Variants in SIMC1 observed in about 807,000 individuals in gnomAD.
SIMC1 encodes the protein SUMO-interacting motif-containing protein 1.
A neutral mutation model predicts 82.3 loss-of-function variants in SIMC1; 55 were observed. The ratio of observed to expected loss-of-function variants is 0.67; its 90% CI spans 0.54 to 0.84. The LOEUF (loss-of-function observed/expected upper bound fraction) is 0.84, where lower values mean the gene tolerates loss of function less well. SIMC1 is among the 40% of genes least tolerant of loss of function. The pLI is 0.00. For missense variants in SIMC1, 915 were observed against 1,107.2 expected (o/e 0.83, Z 2.46); for synonymous variants, 353 against 426.3 (o/e 0.83, Z 2.12).
Position 176,290,829 on chromosome 5 carries a change from A to G in SIMC1, c.1305A>G (p.Val435=). 5.6e-6 allele frequency: 9 copies of G among 1,613,810 alleles called. No homozygotes were observed. The highest frequency in any genetic ancestry group is 7.6e-6 in the Non-Finnish European group (9 of 1,179,744). ...SEPAKPGSAH[V]QSRTPQGGLY... is the part of the protein sequence containing the mutation. ...CTGCCAAACCTGGGTCTGCCCACGT[A>G]CAATCACGAACACCACAAGGTGGGT... The change falls in exon 2 of 10, where the codon GTA becomes GTG. Residue 435 remains valine (V), a synonymous_variant. Transcript: ENST00000429602.
chr5:176,298,935 G>A (rs544074311), intron 4 of SIMC1, among the ~76,000 whole-genome samples: 1 of 152,322 alleles, frequency 6.6e-6, no homozygotes, highest in Admixed American at 6.5e-5. Flanking sequence ...AGACGTATAG[G>A]AAATAATTAA....
intron 7 of SIMC1, 22 bp downstream of exon 7, chr5:176,324,779 G>A: frequency 1.3e-6 from 2 of 1,536,080 alleles, no homozygotes; most frequent in African/African-American, 2.8e-5. Context: ...TTTTGTTGGG[G>A]AGAGCAGTTA....
At chr5:176,321,337 T>A (rs1765149015) in intron 5 of SIMC1, among the ~76,000 whole-genome samples, 1 of 151,888 alleles carries the variant, frequency 6.6e-6, no homozygotes. Context: ...TCATTTGCCT[T>A]CCACCTTTCA....
At chr5:176,274,542 G>C (rs1273971581) in intron 1 of SIMC1, among the ~76,000 whole-genome samples, 1 of 151,788 alleles carries the variant, frequency 6.6e-6, no homozygotes, top group South Asian at 2.1e-4. Flanking sequence ...GGCTTTTGTT[G>C]CCATTGCTTT....
intron 4 of SIMC1, among the ~76,000 whole-genome samples, chr5:176,306,719 C>T (rs1385842880): frequency 1.3e-5 from 2 of 151,404 alleles, no homozygotes; most frequent in African/African-American, 4.9e-5. Flanking sequence ...AGGCAGCATG[C>T]TCGTTAAGAG....
chr5:176,324,182 T>C (rs1329032095), intron 6 of SIMC1, among the ~76,000 whole-genome samples: 5 of 152,062 alleles, frequency 3.3e-5, no homozygotes, highest in Non-Finnish European at 1.5e-5. Flanking sequence ...GAAGCTATTG[T>C]AAAGGAAACA....
chr5:176,284,991 GAC>G (rs1763199440), intron 1 of SIMC1, among the ~76,000 whole-genome samples: 2 of 152,140 alleles, frequency 1.3e-5, no homozygotes, highest in African/African-American at 4.8e-5. Context: ...TCCAGGACCA[GAC>G]GGATTCACAG....
intron 1 of SIMC1, among the ~76,000 whole-genome samples, chr5:176,268,454 GCAAATA>G (rs1762290798): frequency 7.6e-6 from 1 of 130,808 alleles, no homozygotes; most frequent in Admixed American, 8.2e-5. Flanking sequence ...ATATAAAGAT[GCAAATA>G]CACTGAGAGT....
At chr5:176,344,502 CA>C (rs1766323631) in intron 9 of SIMC1, among the ~76,000 whole-genome samples, 6 of 143,640 alleles carry the variant, frequency 4.2e-5, no homozygotes, top group Admixed American at 2.8e-4. Flanking sequence ...CACACACACA[CA>C]CACCTGAGAC....
At chr5:176,315,833 G>T (rs900969000) in intron 5 of SIMC1, among the ~76,000 whole-genome samples, 3 of 152,114 alleles carry the variant, frequency 2.0e-5, no homozygotes, top group Admixed American at 6.6e-5. Flanking sequence ...TACAAAATCA[G>T]TAAGTAGAGA....
Position 176,308,110 on chromosome 5 carries a change from T to C in SIMC1, c.1735-5581T>C, listed in dbSNP as rs577711112. 104 of 851,590 alleles carry C rather than the reference T, an allele frequency of 1.2e-4. No homozygotes were observed. The South Asian group carries it at 1.4e-3, about 12-fold the overall frequency. 52.8% of individuals were successfully genotyped at this position (851,590 alleles called of 1,614,324 possible). A position where few individuals can be genotyped will look rare whatever the true frequency, so the allele number is the denominator to read the frequency against. On this transcript the variant is annotated intron_variant, in intron 4 of 9. Transcript: ENST00000429602. Reference sequence around the variant, plus strand: ...CGGTGCAGGCAGTTCATCTAGAGTCTGACACTTTCCTTGTTTGTCTCAACC... The same window carrying C: ...CGGTGCAGGCAGTTCATCTAGAGTCCGACACTTTCCTTGTTTGTCTCAACC...
chr5:176,307,995 A>C, intron 4 of SIMC1: 1 of 628,234 alleles, frequency 1.6e-6, no homozygotes, highest in East Asian at 2.8e-5. Context: ...CCAAATGTCC[A>C]TCAGCTGGTG....
chr5:176,248,496 G>A lies in SIMC1; in HGVS notation c.129+9859G>A, dbSNP rs1581214631. ...TTGCTGAAGTTGCTTATCAGCTTAA[G>A]GAGATTTTAGGCTGAGACGATAGTG... On this transcript the variant is annotated intron_variant, in intron 1 of 9. Coordinates refer to ENST00000429602, the MANE Select transcript of SIMC1 (RefSeq NM_001308195.2). 3.3e-5 allele frequency among the ~76,000 whole-genome samples: 5 copies of A among 152,222 alleles called. No individual in the cohort carries two copies. The East Asian group carries it at 9.6e-4, about 29-fold the overall frequency.
At chr5:176,341,206 G>C (rs1451663151) in intron 9 of SIMC1, among the ~76,000 whole-genome samples, 1 of 152,190 alleles carries the variant, frequency 6.6e-6, no homozygotes, top group Non-Finnish European at 1.5e-5. Flanking sequence ...GGGGAGACAA[G>C]AGTTTTCCAG....
At chr5:176,283,171 G>C (rs987162057) in intron 1 of SIMC1, among the ~76,000 whole-genome samples, 4 of 152,150 alleles carry the variant, frequency 2.6e-5, no homozygotes, top group Non-Finnish European at 4.4e-5. Context: ...GAAGTATAGA[G>C]AATGCCACAA....
At chr5:176,341,749 AGTG>A (rs1256226568) in intron 9 of SIMC1, among the ~76,000 whole-genome samples, 2 of 144,892 alleles carry the variant, frequency 1.4e-5, no homozygotes, top group African/African-American at 2.6e-5. Flanking sequence ...AGATTCCTAT[AGTG>A]ATGATGATGA....
intron 1 of SIMC1, among the ~76,000 whole-genome samples, chr5:176,288,327 G>A (rs1020491940): frequency 6.6e-6 from 1 of 152,078 alleles, no homozygotes; most frequent in African/African-American, 2.4e-5. Context: ...AGAATCACGT[G>A]AACCCAGGAG....
chr5:176,335,554 A>G (rs752631422), intron 7 of SIMC1, among the ~76,000 whole-genome samples: 65 of 152,004 alleles, frequency 4.3e-4, no homozygotes, highest in Non-Finnish European at 8.2e-4. Flanking sequence ...CTAGGATTAC[A>G]GGCATGAGCC....
intron 1 of SIMC1, among the ~76,000 whole-genome samples, chr5:176,272,690 G>A (rs1762498557): frequency 6.6e-6 from 1 of 152,180 alleles, no homozygotes; most frequent in Non-Finnish European, 1.5e-5. Context: ...TCCTAGCCAA[G>A]GGAATCTGTG....
Sources: allele counts gnomAD v4.1 joint callset (sites outside exome capture counted in the v4.1 genomes callset), GRCh38; gene constraint gnomAD v4.1.1; transcripts MANE v1.5; gene names NCBI Gene and HGNC (gene_info 2026-07-23, HGNC 2026-07-21).